MPI: variants seen among roughly 807,000 people sequenced by gnomAD.
MPI encodes mannose-6-phosphate isomerase.
Under a neutral mutation model 40.1 loss-of-function variants are expected in MPI, and 33 were observed. The ratio of observed to expected loss-of-function variants is 0.82; its 90% CI spans 0.62 to 1.10. The LOEUF (loss-of-function observed/expected upper bound fraction) is 1.10. MPI is among the 50% of genes least tolerant of loss of function. The pLI is 0.00. For missense variants in MPI, 514 were observed against 524.1 expected, an observed-to-expected ratio of 0.98 and a Z score of 0.19; for synonymous variants, 187 against 207.4, an observed-to-expected ratio of 0.90 and a Z score of 0.85.
chr15:74,893,224 T>C lies in MPI; in HGVS notation c.574T>C (p.Ser192Pro). ...GAGCCATGACTCCCAGGCTGTGGCC[T>C]CCTCTCTGCAGAGCTGTTTCTCCCA... ...TMSHDSQAVA[S>P]SLQSCFSHLM... The change falls in exon 5 of 8, where the codon TCC becomes CCC. Residue 192 changes from serine (S) to proline (P), a missense_variant. Coordinates refer to ENST00000352410, the MANE Select transcript of MPI (RefSeq NM_002435.3). The C allele has an allele frequency of 6.2e-7, 1 of 1,614,184 alleles. No individual in the cohort carries two copies.
At chr15:74,897,374 A>G in intron 7 of MPI, 138 bp from the exon 8 acceptor site, 1 of 1,286,346 alleles carries the variant, frequency 7.8e-7, no homozygotes, top group South Asian at 1.2e-5. Context: ...ACCAGGGACC[A>G]GGCCTCTATG....
At chr15:74,891,708 A>G in intron 3 of MPI, 129 bp downstream of exon 3, 1 of 999,628 alleles carries the variant, frequency 1.0e-6, no homozygotes, top group East Asian at 2.5e-5. Context: ...CCAGGCTGAC[A>G]ACTCCCAATT....
chr15:74,893,292 C>A lies in MPI; in HGVS notation c.642C>A (p.Asn214Lys). 1 of 1,614,216 alleles carries A rather than the reference C, an allele frequency of 6.2e-7. No individual in the cohort carries two copies. The highest frequency in any genetic ancestry group is 8.5e-7 in the Non-Finnish European group (1 of 1,180,030). Residue 214 changes from asparagine to lysine, a missense_variant, in exon 5 of 8, where the codon AAC (asparagine) becomes AAA (lysine). Physicochemically the swap from Asn to Lys is moderately conservative, Grantham distance 94 (BLOSUM62 0). Coordinates refer to ENST00000352410, the MANE Select transcript of MPI (RefSeq NM_002435.3). ...AGAAGGTGGTGGTGGAACAGCTCAA[C>A]CTGTTGGTGAAGCGGATCTCCCAGC... ...SEKKVVVEQL[N>K]LLVKRISQQA...
Position 74,891,258 on chromosome 15 carries a change from T to G in MPI, c.145-121T>G. 3 of 881,660 alleles carry G rather than the reference T, an allele frequency of 3.4e-6. No homozygotes were observed. The East Asian group carries it at 7.2e-5, about 21-fold the overall frequency. 54.6% of individuals were successfully genotyped at this position (881,660 alleles called of 1,614,324 possible). A position where few individuals can be genotyped will look rare whatever the true frequency, so the allele number is the denominator to read the frequency against. ...TGGCATGAACATTTGTATCCAGACCTGGGAGGCCTTTCCCAGGACTCAGTT... is the reference window on the plus strand; with the variant it reads ...TGGCATGAACATTTGTATCCAGACCGGGGAGGCCTTTCCCAGGACTCAGTT... On this transcript the variant is annotated intron_variant, in intron 2 of 7. Transcript: ENST00000352410.
intron 3 of MPI, 32 bp downstream of exon 3, chr15:74,891,611 G>A (rs747556981): frequency 2.1e-5 from 33 of 1,607,024 alleles, no homozygotes; most frequent in East Asian, 2.2e-5. Context: ...AGAGGTCAGG[G>A]TACAGAAGGG....
At position 74,897,110 on chromosome 15, in the gene MPI, C is replaced by T. The variant is rs370568381; in HGVS notation, c.944C>T (p.Thr315Ile). 41 of 1,614,030 alleles carry T rather than the reference C, an allele frequency of 2.5e-5. No individual in the cohort carries two copies. Among genetic ancestry groups the T allele is most frequent in the South Asian group, 1.1e-4 (10 of 91,092 alleles). Residue 315 changes from threonine (T) to isoleucine (I), a missense_variant, in exon 7 of 8, where the codon ACC (threonine) becomes ATC (isoleucine). Coordinates refer to ENST00000352410, the MANE Select transcript of MPI (RefSeq NM_002435.3). ...ACCCTGTGTGAAATGCTCAGCTATACCCCTAGCTCCAGCAAGGACAGGCTC... is the reference window on the plus strand; with the variant it reads ...ACCCTGTGTGAAATGCTCAGCTATATCCCTAGCTCCAGCAAGGACAGGCTC... The part of the protein sequence containing the change: ...VPTLCEMLSY[T>I]PSSSKDRLFL...
chr15:74,894,597 C>G (rs1395888342), intron 5 of MPI, among the ~76,000 whole-genome samples: 1 of 141,266 alleles, frequency 7.1e-6, no homozygotes, highest in African/African-American at 2.7e-5. Context: ...GCACTTCAGC[C>G]GGGGCAATAG....
At position 74,901,282 on chromosome 15, in the gene MPI, C is replaced by T. The variant is rs7163332; in HGVS notation, c.*3552C>T. On this transcript the variant is annotated 3_prime_UTR_variant, in exon 8 of 8. Coordinates refer to ENST00000352410, the MANE Select transcript of MPI (RefSeq NM_002435.3). ...CTGTCTCCAACAAAACAAAGCAGAA[C>T]GCTCACCATGGTTCTGAGTTAAGCC... The T allele has an allele frequency of 0.086, 13,128 of 152,484 alleles. 1,051 individuals are homozygous for T. Among genetic ancestry groups the T allele is most frequent in the South Asian group, 0.36 (1,737 of 4,832 alleles). 9.4% of individuals were successfully genotyped at this position (152,484 alleles called of 1,614,324 possible).
Position 74,890,327 on chromosome 15 carries a change from C to CA in MPI, c.17-199dup, listed in dbSNP as rs2064705074. On this transcript the variant is annotated intron_variant, in intron 1 of 7. Transcript: ENST00000352410. ...CCCTCCCCGCCACCCTGCCTCAGATCAGCACAAGGTCCTTACTGCTGCCCA... is the reference window on the plus strand; with the variant it reads ...CCCTCCCCGCCACCCTGCCTCAGATCAAGCACAAGGTCCTTACTGCTGCCCA... The CA allele has an allele frequency of 8.2e-6, 7 of 854,244 alleles. No homozygotes were observed. The South Asian group carries it at 1.1e-4, about 13-fold the overall frequency. The allele number at this position is 854,244 out of a possible 1,614,324, so 52.9% of individuals were successfully genotyped here.
Position 74,897,671 on chromosome 15 carries a change from T to C in MPI, c.1213T>C (p.Ser405Pro). 1 of 1,614,152 alleles carries C rather than the reference T, an allele frequency of 6.2e-7. No individual in the cohort carries two copies. Among genetic ancestry groups the C allele is most frequent in the African/African-American group, 1.3e-5 (1 of 75,024 alleles). ...VLFIGANESV[S>P]LKLTEPKDLL... ...CTTCATTGGGGCCAATGAGAGTGTC[T>C]CACTGAAGCTTACTGAGCCGAAGGA... The change falls in exon 8 of 8, where the codon TCA (serine) becomes CCA (proline). Residue 405 changes from serine (S) to proline (P), a missense_variant. Coordinates refer to ENST00000352410, the MANE Select transcript of MPI (RefSeq NM_002435.3).
chr15:74,900,243 G>C lies in MPI; in HGVS notation c.*2513G>C, dbSNP rs2064897776. On this transcript the variant is annotated 3_prime_UTR_variant, in exon 8 of 8. Transcript: ENST00000352410. ...CTAAACAACTGACCATTTCTACCCT[G>C]CCTCACTGCACTGTCCCACCAGGTC... The C allele has an allele frequency of 1.3e-5, 2 of 152,256 alleles. No individual in the cohort carries two copies. 9.4% of individuals were successfully genotyped at this position (152,256 alleles called of 1,614,324 possible).
intron 3 of MPI, among the ~76,000 whole-genome samples, chr15:74,892,101 C>A (rs2064735573): frequency 6.6e-6 from 1 of 151,958 alleles, no homozygotes; most frequent in African/African-American, 2.4e-5. Flanking sequence ...TCAAGCAATT[C>A]TTCTGCTTCA....
chr15:74,895,994 C>A (rs1443237683), intron 5 of MPI, 158 bp from the exon 6 acceptor site: 7 of 733,218 alleles, frequency 9.5e-6, no homozygotes, highest in African/African-American at 1.7e-5. Context: ...CAAGGCTCGA[C>A]CCCCAAAGGG....
Position 74,897,179 on chromosome 15 carries a change from A to G in MPI, c.1013A>G (p.Tyr338Cys), listed in dbSNP as rs774253901. The change falls in exon 7 of 8, where the codon TAT becomes TGT. Residue 338 changes from tyrosine to cysteine, a missense_variant. By Grantham distance (194) the Tyr-to-Cys change is radical (BLOSUM62 -2). Coordinates refer to ENST00000352410, the MANE Select transcript of MPI (RefSeq NM_002435.3). Reference sequence around the variant, plus strand: ...CAGGAAGACCCCTACCTCTCAATCTATGACCCCCCTGTACCAGACTTCACC... The same window carrying G: ...CAGGAAGACCCCTACCTCTCAATCTGTGACCCCCCTGTACCAGACTTCACC... Reference protein sequence around the residue: ...RSQEDPYLSIYDPPVPDFTIM... With the variant: ...RSQEDPYLSICDPPVPDFTIM... 9.9e-6 allele frequency: 16 copies of G among 1,614,022 alleles called. No individual in the cohort carries two copies. The highest frequency in any genetic ancestry group is 1.3e-5 in the African/African-American group (1 of 74,910).
rs1439077759 is a variant in MPI at position 74,894,081 on chromosome 15, TGTGTGTGTGTGTGTGTG to T, written c.670+762_670+778del. Among the ~76,000 whole-genome samples, 435 of 62,688 alleles carry T rather than the reference TGTGTGTGTGTGTGTGTG, an allele frequency of 6.9e-3. 28 individuals are homozygous for T. Among genetic ancestry groups the T allele is most frequent in the African/African-American group, 0.023 (361 of 15,536 alleles). 41.1% of individuals were successfully genotyped at this position (62,688 alleles called of 152,430 possible). A position where few individuals can be genotyped will look rare whatever the true frequency, so the allele number is the denominator to read the frequency against. ...GTGTGTGTGTGTGTGTGTGTGTGTGTGTGTGTGTGTGTGTGTGTGTGTGTGTGGTCTCTTTCTGTTGC... is the reference window on the plus strand; with the variant it reads ...GTGTGTGTGTGTGTGTGTGTGTGTGTTGTGTGTGTGGTCTCTTTCTGTTGC... On this transcript the variant is annotated intron_variant, in intron 5 of 7. Transcript: ENST00000352410.
At chr15:74,892,868 AG>A in intron 4 of MPI, 66 bp downstream of exon 4, 2 of 1,611,052 alleles carry the variant, frequency 1.2e-6, no homozygotes, top group African/African-American at 1.3e-5. Flanking sequence ...CCAAGATGAT[AG>A]GAACAGTGGC....
At chr15:74,893,522 A>C (rs908507126) in intron 5 of MPI, 3 of 670,580 alleles carry the variant, frequency 4.5e-6, no homozygotes, top group Middle Eastern at 2.8e-4. Context: ...GCTGCTTCCC[A>C]ACTGGTCATC....
Position 74,892,717 on chromosome 15 carries a change from C to T in MPI, c.402C>T (p.His134=), listed in dbSNP as rs2141199543. The T allele has an allele frequency of 1.2e-6, 2 of 1,614,270 alleles. No homozygotes were observed. The highest frequency in any genetic ancestry group is 2.2e-5 in the East Asian group (1 of 44,888). Residue 134 remains histidine, a synonymous_variant, in exon 4 of 8, where the codon CAC becomes CAT. Transcript: ENST00000352410. ...QAPQHYPDAN[H]KPEMAIALTP... is the part of the protein sequence containing the mutation. ...CGCAGCACTACCCCGATGCCAACCA[C>T]AAGCCAGAGATGGCCATTGCCCTCA...
chr15:74,897,588 T>TG lies in MPI; in HGVS notation c.1130_1131insG (p.Ile378AsnfsTer25). 1 of 1,614,144 alleles carries TG rather than the reference T, an allele frequency of 6.2e-7. No individual in the cohort carries two copies. The highest frequency in any genetic ancestry group is 8.5e-7 in the Non-Finnish European group (1 of 1,180,020). ...ATCCTCCTGATGGTACAGGGGACAGTAATAGCCAGCACACCCACAACCCAG... is the reference window on the plus strand; with the variant it reads ...ATCCTCCTGATGGTACAGGGGACAGTGAATAGCCAGCACACCCACAACCCAG... On this transcript the variant is annotated frameshift_variant, in exon 8 of 8. Coordinates refer to ENST00000352410, the MANE Select transcript of MPI (RefSeq NM_002435.3). LOFTEE classifies it high-confidence loss of function.
Sources: gnomAD v4.1 joint callset for allele counts (sites outside exome capture counted in the v4.1 genomes callset) on GRCh38, gnomAD v4.1.1 for gene constraint, MANE v1.5 for transcripts, NCBI Gene and HGNC (gene_info 2026-07-23, HGNC 2026-07-21) for gene names.